The following NIPA1 variants were observed in gnomAD, a reference collection of about 807,000 sequenced individuals.
NIPA1 encodes the protein NIPA magnesium transporter 1.
Under a neutral mutation model 23.9 loss-of-function variants are expected in NIPA1, and 13 were observed. That is an observed-to-expected ratio of 0.54 (90% CI 0.35 to 0.87). NIPA1 has a LOEUF of 0.87. Among genes scored for constraint, NIPA1 ranks in the 40% least tolerant of loss-of-function variants. The pLI, the probability that NIPA1 is intolerant of heterozygous loss-of-function variation, is 0.01. For synonymous variants in NIPA1, 234 were observed against 202.9 expected (o/e 1.15, Z -1.30); for missense variants, 362 against 429.7 (o/e 0.84, Z 1.39).
At chr15:22,791,500 G>GTTT (rs879593367) in intron 1 of NIPA1, among the ~76,000 whole-genome samples, 1 of 45,932 alleles carries the variant, frequency 2.2e-5, no homozygotes, top group Non-Finnish European at 3.7e-5. Context: ...TTTTTTTTTT[G>GTTT]TGAGACGGAG....
intron 1 of NIPA1, among the ~76,000 whole-genome samples, chr15:22,790,087 C>A (rs1334302940): frequency 3.9e-4 from 59 of 152,078 alleles, no homozygotes; most frequent in African/African-American, 2.4e-5. Context: ...AGCCACCATG[C>A]CCTGTCAAAA....
intron 1 of NIPA1, among the ~76,000 whole-genome samples, chr15:22,807,961 T>C (rs567533461): frequency 1.3e-5 from 2 of 152,122 alleles, no homozygotes; most frequent in African/African-American, 2.4e-5. Flanking sequence ...TTTTTTTTTG[T>C]ATTTTTTTTA....
rs562171438 is a variant in NIPA1 at position 22,820,042 on chromosome 15, A to T, written c.318-271A>T. ...GACCCAGTCTCTACACAAAATTTTTAAAAAATTAGCTGGGTGTGGTGGCAT... is the reference window on the plus strand; with the variant it reads ...GACCCAGTCTCTACACAAAATTTTTTAAAAATTAGCTGGGTGTGGTGGCAT... On this transcript the variant is annotated intron_variant, in intron 3 of 4. Transcript: ENST00000337435. Among the ~76,000 whole-genome samples, 12 of 152,088 alleles carry T rather than the reference A, an allele frequency of 7.9e-5. No individual in the cohort carries two copies. In the East Asian group the frequency reaches 1.2e-3, roughly 15 times the overall value.
chr15:22,792,144 G>T (rs1894842085), intron 1 of NIPA1, among the ~76,000 whole-genome samples: 1 of 152,174 alleles, frequency 6.6e-6, no homozygotes, highest in Admixed American at 6.5e-5. Context: ...ACATTCACAG[G>T]ATGTGAATGT....
chr15:22,817,666 G>A (rs923935804), intron 3 of NIPA1, among the ~76,000 whole-genome samples: 6 of 150,952 alleles, frequency 4.0e-5, no homozygotes, highest in South Asian at 2.1e-4. Context: ...TTAGCCGGGC[G>A]TAGTGGCAGG....
chr15:22,812,476 A>G (rs1595641396), intron 3 of NIPA1, among the ~76,000 whole-genome samples: 1 of 152,056 alleles, frequency 6.6e-6, no homozygotes, highest in Middle Eastern at 3.2e-3. Flanking sequence ...ACATGGTGAA[A>G]CCCTGTCTCT....
chr15:22,798,689 A>C (rs1308955537), intron 1 of NIPA1, among the ~76,000 whole-genome samples: 2 of 150,948 alleles, frequency 1.3e-5, no homozygotes, highest in African/African-American at 4.9e-5. Context: ...TCTACTAAAA[A>C]TACAAAAAAT....
At chr15:22,787,436 C>T (rs966680276) in intron 1 of NIPA1, among the ~76,000 whole-genome samples, 4 of 152,232 alleles carry the variant, frequency 2.6e-5, no homozygotes, top group Non-Finnish European at 2.9e-5. Flanking sequence ...CCCGCTGCGC[C>T]TTAGACCTGC....
chr15:22,802,071 G>A (rs1895094109), intron 1 of NIPA1, among the ~76,000 whole-genome samples: 1 of 152,024 alleles, frequency 6.6e-6, no homozygotes, highest in African/African-American at 2.4e-5. Context: ...CATTGTGTGG[G>A]CTAACCCAGA....
At chr15:22,813,557 A>T in intron 3 of NIPA1, 1 of 439,342 alleles carries the variant, frequency 2.3e-6, no homozygotes, top group South Asian at 1.6e-5. Context: ...AATCATTAGA[A>T]ATAAAAATAG....
At chr15:22,792,141 C>T (rs1894841995) in intron 1 of NIPA1, among the ~76,000 whole-genome samples, 1 of 152,162 alleles carries the variant, frequency 6.6e-6, no homozygotes, top group African/African-American at 2.4e-5. Flanking sequence ...GAAACATTCA[C>T]AGGATGTGAA....
chr15:22,822,373 C>T, intron 4 of NIPA1, among the ~76,000 whole-genome samples: 1 of 152,098 alleles, frequency 6.6e-6, no homozygotes, highest in East Asian at 1.9e-4. Flanking sequence ...GCTGTCTGCA[C>T]ATGCCTCTGC....
intron 1 of NIPA1, among the ~76,000 whole-genome samples, chr15:22,804,936 A>C (rs531727117): frequency 6.6e-6 from 1 of 152,014 alleles, no homozygotes; most frequent in South Asian, 2.1e-4. Context: ...TCCTGGGTTC[A>C]CACCATTCTC....
At chr15:22,807,238 A>G (rs1895227660) in intron 1 of NIPA1, among the ~76,000 whole-genome samples, 3 of 152,194 alleles carry the variant, frequency 2.0e-5, no homozygotes, top group South Asian at 2.1e-4. Flanking sequence ...TAAACTGCCA[A>G]AAACATATAC....
intron 1 of NIPA1, among the ~76,000 whole-genome samples, chr15:22,802,157 G>T (rs927405502): frequency 1.3e-5 from 2 of 152,052 alleles, no homozygotes; most frequent in South Asian, 4.1e-4. Flanking sequence ...ACTTTGGGAG[G>T]CCGAGGCAGG....
Position 22,799,943 on chromosome 15 carries a change from CAAAAAAAAAAAA to C in NIPA1, c.179-10789_179-10778del, listed in dbSNP as rs61174589. On this transcript the variant is annotated intron_variant, in intron 1 of 4. Transcript: ENST00000337435. ...TGGGAGACAGAATGAGACCCTGTCT[CAAAAAAAAAAAA>C]AAAAAAAAAAAAAAAAGGGAAAGAA... Among the ~76,000 whole-genome samples, 20 of 47,018 alleles carry C rather than the reference CAAAAAAAAAAAA, an allele frequency of 4.3e-4. No homozygotes were observed. The East Asian group carries it at 6.9e-3, about 16-fold the overall frequency. 30.8% of individuals were successfully genotyped at this position (47,018 alleles called of 152,430 possible).
chr15:22,788,498 CAA>C (rs905296655), intron 1 of NIPA1, among the ~76,000 whole-genome samples: 23 of 89,560 alleles, frequency 2.6e-4, no homozygotes, highest in East Asian at 6.2e-4. Context: ...GACTCCATCT[CAA>C]AAAAAAAAAA....
intron 1 of NIPA1, among the ~76,000 whole-genome samples, chr15:22,799,524 T>C (rs1895019230): frequency 1.3e-5 from 2 of 152,050 alleles, no homozygotes; most frequent in African/African-American, 4.8e-5. Flanking sequence ...GGCTCACACC[T>C]GTAATCCCAG....
chr15:22,790,765 G>A (rs1894809535), intron 1 of NIPA1, among the ~76,000 whole-genome samples: 1 of 152,018 alleles, frequency 6.6e-6, no homozygotes. Flanking sequence ...TGAGAATACA[G>A]CAGTTTTAAA....
Sources: allele counts gnomAD v4.1 joint callset (sites outside exome capture counted in the v4.1 genomes callset), GRCh38; gene constraint gnomAD v4.1.1; transcripts MANE v1.5; gene names NCBI Gene and HGNC (gene_info 2026-07-23, HGNC 2026-07-21).